The following CDK15 variants were observed in gnomAD, a reference collection of about 807,000 sequenced individuals.
The protein encoded by CDK15 is cyclin-dependent kinase 15.
Under a neutral mutation model 60.3 loss-of-function variants are expected in CDK15, and 62 were observed. That is an observed-to-expected ratio of 1.03 (90% CI 0.84 to 1.27). The LOEUF (loss-of-function observed/expected upper bound fraction) is 1.27. Among genes scored for constraint, CDK15 ranks in the 50% most tolerant of loss-of-function variants. The pLI, the probability that CDK15 is intolerant of heterozygous loss-of-function variation, is 0.00. For synonymous variants in CDK15, 194 were observed against 195.7 expected, an observed-to-expected ratio of 0.99 and a Z score of 0.07; for missense variants, 541 against 527.8, an observed-to-expected ratio of 1.03 and a Z score of -0.25.
At chr2:201,817,240 C>T (rs577208272) in intron 4 of CDK15, among the ~76,000 whole-genome samples, 2 of 152,320 alleles carry the variant, frequency 1.3e-5, no homozygotes, top group South Asian at 2.1e-4. Flanking sequence ...TTAACATTCC[C>T]ACCCACAGTG....
intron 10 of CDK15, chr2:201,861,565 C>CCTTT: frequency 1.4e-6 from 1 of 729,316 alleles, no homozygotes; most frequent in Non-Finnish European, 1.6e-6. Flanking sequence ...TTTTTTTTTT[C>CCTTT]TTTTTTTTTT....
intron 6 of CDK15, among the ~76,000 whole-genome samples, chr2:201,832,004 C>A (rs1696774554): frequency 6.6e-6 from 1 of 152,100 alleles, no homozygotes; most frequent in African/African-American, 2.4e-5. Flanking sequence ...TTCTATCCAC[C>A]TGTCTTCCTC....
At chr2:201,874,180 T>A (rs900099032) in intron 11 of CDK15, among the ~76,000 whole-genome samples, 3 of 152,148 alleles carry the variant, frequency 2.0e-5, no homozygotes, top group Non-Finnish European at 2.9e-5. Flanking sequence ...TTTACTTAAA[T>A]TAAGTTTAAA....
chr2:201,867,920 T>C (rs1012373986), intron 10 of CDK15, among the ~76,000 whole-genome samples: 1 of 152,184 alleles, frequency 6.6e-6, no homozygotes, highest in Non-Finnish European at 1.5e-5. Flanking sequence ...TTTGGAAACT[T>C]CTCAATTATT....
chr2:201,860,586 A>G (rs942770140), intron 10 of CDK15, among the ~76,000 whole-genome samples: 4 of 152,218 alleles, frequency 2.6e-5, no homozygotes, highest in Non-Finnish European at 5.9e-5. Flanking sequence ...GCACGTGGGA[A>G]GTTTTTCCAC....
chr2:201,807,770 T>C, intron 2 of CDK15, 88 bp from the exon 3 acceptor site: 1 of 1,547,308 alleles, frequency 6.5e-7, no homozygotes, highest in Non-Finnish European at 8.8e-7. Context: ...CTGTCTAATT[T>C]CCCTGGGGAA....
At chr2:201,888,415 T>C in intron 12 of CDK15, 1 of 1,529,112 alleles carries the variant, frequency 6.5e-7, no homozygotes, top group Non-Finnish European at 8.7e-7. Flanking sequence ...ATTTCCCTTC[T>C]CAAAAAATTT....
intron 10 of CDK15, among the ~76,000 whole-genome samples, chr2:201,868,834 A>G (rs546602453): frequency 1.3e-5 from 2 of 152,344 alleles, no homozygotes; most frequent in African/African-American, 4.8e-5. Flanking sequence ...ATGAGATACC[A>G]TCTCCCACCA....
intron 10 of CDK15, among the ~76,000 whole-genome samples, chr2:201,865,002 G>A (rs571731091): frequency 6.6e-6 from 1 of 152,250 alleles, no homozygotes; most frequent in East Asian, 1.9e-4. Context: ...CTGCAGGACT[G>A]GGTAGAGGGA....
intron 10 of CDK15, among the ~76,000 whole-genome samples, chr2:201,867,046 T>G (rs1429561012): frequency 2.6e-5 from 4 of 152,214 alleles, no homozygotes; most frequent in African/African-American, 9.7e-5. Context: ...CAGGTCATCC[T>G]TTTCTGGCAG....
At chr2:201,874,241 G>A (rs1030651022) in intron 11 of CDK15, among the ~76,000 whole-genome samples, 1 of 152,078 alleles carries the variant, frequency 6.6e-6, no homozygotes, top group African/African-American at 2.4e-5. Flanking sequence ...AGCCACATTG[G>A]AGTAGTGACT....
At chr2:201,842,746 A>T (rs1036864165) in intron 8 of CDK15, among the ~76,000 whole-genome samples, 7 of 152,228 alleles carry the variant, frequency 4.6e-5, no homozygotes, top group African/African-American at 1.7e-4. Flanking sequence ...AGGAGAAAAC[A>T]TCTAAGCAGT....
rs1251867491 is a variant in CDK15, at chr2:201,847,124, C to T, written c.852-257C>T. Among the ~76,000 whole-genome samples the T allele has an allele frequency of 2.6e-5, 4 of 152,260 alleles. No homozygotes were observed. In the East Asian group the frequency reaches 7.7e-4, roughly 29 times the overall value. ...CTCTTCTCCTAAAACAGATAATGAG[C>T]TTGAATGATCTACAATGTTTGCTAA... On this transcript the variant is annotated intron_variant, in intron 8 of 13. Coordinates refer to ENST00000652192, the MANE Select transcript of CDK15 (RefSeq NM_001366386.2).
chr2:201,836,179 A>T (rs1481097558), intron 8 of CDK15, among the ~76,000 whole-genome samples: 4,182 of 85,102 alleles, frequency 0.049, 225 homozygotes, highest in East Asian at 0.25. Flanking sequence ...TTTATATATT[A>T]TATATATTTT....
chr2:201,871,842 G>T (rs1044078215), intron 10 of CDK15, among the ~76,000 whole-genome samples: 2 of 151,916 alleles, frequency 1.3e-5, no homozygotes, highest in South Asian at 2.1e-4. Context: ...CCCTCTCCTT[G>T]GCTTGTTGAT....
intron 4 of CDK15, among the ~76,000 whole-genome samples, chr2:201,821,515 T>G (rs187452141): frequency 6.6e-6 from 1 of 152,284 alleles, no homozygotes; most frequent in Admixed American, 6.5e-5. Flanking sequence ...TTTTTAATCT[T>G]ATGGAATTCT....
At chr2:201,819,426 G>A (rs1338458702) in intron 4 of CDK15, among the ~76,000 whole-genome samples, 2 of 152,188 alleles carry the variant, frequency 1.3e-5, no homozygotes, top group Non-Finnish European at 1.5e-5. Context: ...GACAGGTCAC[G>A]ATGGGCACAG....
At chr2:201,833,745 A>T in intron 6 of CDK15, 103 bp from the exon 7 acceptor site, 3 of 1,005,380 alleles carry the variant, frequency 3.0e-6, no homozygotes, top group African/African-American at 1.8e-5. Context: ...GTCTCTCAAG[A>T]GACACTTTTA....
intron 6 of CDK15, among the ~76,000 whole-genome samples, chr2:201,829,349 G>C (rs1401404892): frequency 6.6e-6 from 1 of 152,192 alleles, no homozygotes; most frequent in Non-Finnish European, 1.5e-5. Flanking sequence ...CAGAACCACA[G>C]TGGTACAGAT....
Sources: allele counts gnomAD v4.1 joint callset (sites outside exome capture counted in the v4.1 genomes callset), GRCh38; gene constraint gnomAD v4.1.1; transcripts MANE v1.5; gene names NCBI Gene and HGNC (gene_info 2026-07-23, HGNC 2026-07-21).